KCNK1: variants seen among roughly 807,000 people sequenced by gnomAD.
KCNK1 encodes potassium channel subfamily K member 1.
KCNK1 carries 10 observed loss-of-function variants against 22.2 expected under a neutral mutation model. The ratio of observed to expected loss-of-function variants is 0.45; its 90% CI spans 0.28 to 0.76. KCNK1 has a LOEUF of 0.76. Ranked by LOEUF, KCNK1 falls within the 30% of genes least tolerant of loss-of-function variation. KCNK1 has a pLI of 0.14. For synonymous variants in KCNK1, 200 were observed against 186.4 expected, an observed-to-expected ratio of 1.07 and a Z score of -0.60; for missense variants, 378 against 421.0, an observed-to-expected ratio of 0.90 and a Z score of 0.89.
intron 1 of KCNK1, among the ~76,000 whole-genome samples, chr1:233,619,645 C>A (rs1657543495): frequency 6.6e-6 from 1 of 152,002 alleles, no homozygotes; most frequent in Non-Finnish European, 1.5e-5. Flanking sequence ...GACACGGTGG[C>A]TTATGCCTGT....
chr1:233,651,863 G>A (rs1658206447), intron 1 of KCNK1, among the ~76,000 whole-genome samples: 1 of 152,216 alleles, frequency 6.6e-6, no homozygotes, highest in Admixed American at 6.5e-5. Context: ...GCAGGCTGCT[G>A]TCTCCTACAA....
Position 233,671,578 on chromosome 1 carries a change from G to A in KCNK1, c.*48G>A, listed in dbSNP as rs906334169. 1.9e-6 allele frequency: 3 copies of A among 1,606,442 alleles called. No individual in the cohort carries two copies. The highest frequency in any genetic ancestry group is 4.5e-5 in the East Asian group (2 of 44,794). ...CTAGAGCACCAGGGTCAGGGTGCAA[G>A]GAAGAGGCTTAAGTATGTTCATTTT... is the stretch of plus-strand genomic sequence containing the variant. On this transcript the variant is annotated 3_prime_UTR_variant, in exon 3 of 3. Coordinates refer to ENST00000366621, the MANE Select transcript of KCNK1 (RefSeq NM_002245.4).
chr1:233,624,667 C>G (rs1274926357), intron 1 of KCNK1, among the ~76,000 whole-genome samples: 1 of 152,178 alleles, frequency 6.6e-6, no homozygotes, highest in Admixed American at 6.5e-5. Context: ...TTAGATATAA[C>G]TTTATTCTCT....
At chr1:233,634,646 C>G (rs1274738001) in intron 1 of KCNK1, among the ~76,000 whole-genome samples, 1 of 152,188 alleles carries the variant, frequency 6.6e-6, no homozygotes, top group Non-Finnish European at 1.5e-5. Flanking sequence ...TTGTTATGCC[C>G]ACCAGATGCT....
intron 1 of KCNK1, among the ~76,000 whole-genome samples, chr1:233,665,375 A>G (rs1468484316): frequency 6.6e-6 from 1 of 152,228 alleles, no homozygotes; most frequent in Non-Finnish European, 1.5e-5. Context: ...AGCTGCATGG[A>G]ATTCCAAGGA....
intron 1 of KCNK1, 47 bp downstream of exon 1, chr1:233,614,573 C>A: frequency 6.9e-7 from 1 of 1,441,060 alleles, no homozygotes; most frequent in Non-Finnish European, 9.4e-7. Context: ...ACCTCGCCCA[C>A]AACCCACACA....
At chr1:233,655,310 G>A (rs1658271084) in intron 1 of KCNK1, among the ~76,000 whole-genome samples, 1 of 152,126 alleles carries the variant, frequency 6.6e-6, no homozygotes, top group African/African-American at 2.4e-5. Context: ...AATTTCACAG[G>A]CTCACAGCTG....
intron 1 of KCNK1, among the ~76,000 whole-genome samples, chr1:233,638,421 AG>A (rs1344214059): frequency 1.6e-4 from 12 of 73,732 alleles, no homozygotes; most frequent in African/African-American, 4.4e-4. Context: ...TAAAAAAGAG[AG>A]AAAAAAAAAA....
chr1:233,661,450 C>T (rs1354801423), intron 1 of KCNK1, among the ~76,000 whole-genome samples: 1 of 152,178 alleles, frequency 6.6e-6, no homozygotes, highest in Non-Finnish European at 1.5e-5. Context: ...GTAGAAACAA[C>T]AATAAGTGTT....
chr1:233,641,559 C>T (rs1479313121), intron 1 of KCNK1, among the ~76,000 whole-genome samples: 3 of 152,154 alleles, frequency 2.0e-5, no homozygotes, highest in African/African-American at 7.2e-5. Context: ...TGGCAGTAAG[C>T]GGATGGGGTG....
At chr1:233,657,822 T>TC (rs1447790506) in intron 1 of KCNK1, among the ~76,000 whole-genome samples, 3 of 151,944 alleles carry the variant, frequency 2.0e-5, no homozygotes, top group Admixed American at 6.6e-5. Flanking sequence ...AGTGTTAATT[T>TC]TTTTTTTTAT....
intron 1 of KCNK1, chr1:233,660,629 T>C (rs891156314): frequency 1.4e-4 from 21 of 152,312 alleles, no homozygotes; most frequent in African/African-American, 4.8e-4. Context: ...ATCTGTAGAG[T>C]TACCCTAGGC....
chr1:233,653,563 G>A (rs933825877), intron 1 of KCNK1, among the ~76,000 whole-genome samples: 17 of 152,278 alleles, frequency 1.1e-4, no homozygotes, highest in African/African-American at 3.4e-4. Flanking sequence ...GTGGGTAGGC[G>A]TTATCTAATT....
At chr1:233,622,978 C>A (rs1344009503) in intron 1 of KCNK1, among the ~76,000 whole-genome samples, 2 of 152,024 alleles carry the variant, frequency 1.3e-5, no homozygotes, top group Non-Finnish European at 2.9e-5. Context: ...GTTATTAGTA[C>A]CCATGGAAGG....
chr1:233,671,704 G>A lies in KCNK1; in HGVS notation c.*174G>A. The A allele has an allele frequency of 2.8e-6, 2 of 722,744 alleles. No individual in the cohort carries two copies. The highest frequency in any genetic ancestry group is 4.4e-6 in the Non-Finnish European group (2 of 450,472). 44.8% of individuals were successfully genotyped at this position (722,744 alleles called of 1,614,324 possible). ...AAAAAAAGACAAATGGAACAAAGAA[G>A]CTGTGACCCCAGCAGGATGTCTAAT... On this transcript the variant is annotated 3_prime_UTR_variant, in exon 3 of 3. Coordinates refer to ENST00000366621, the MANE Select transcript of KCNK1 (RefSeq NM_002245.4).
At chr1:233,660,619 A>T (rs1658373669) in intron 1 of KCNK1, 1 of 152,198 alleles carries the variant, frequency 6.6e-6, no homozygotes, top group African/African-American at 2.4e-5. Context: ...ACCTTCTGAT[A>T]TCTGTAGAGT....
intron 1 of KCNK1, among the ~76,000 whole-genome samples, chr1:233,650,267 T>A (rs1442136041): frequency 6.6e-6 from 1 of 152,214 alleles, no homozygotes; most frequent in African/African-American, 2.4e-5. Context: ...GGGGAGTCAT[T>A]GTAGTCATTC....
At chr1:233,641,134 G>A (rs1343093670) in intron 1 of KCNK1, among the ~76,000 whole-genome samples, 1 of 152,198 alleles carries the variant, frequency 6.6e-6, no homozygotes, top group Non-Finnish European at 1.5e-5. Flanking sequence ...GCACAAACAA[G>A]CCGGAAGACT....
intron 1 of KCNK1, among the ~76,000 whole-genome samples, chr1:233,662,965 A>G (rs1658426774): frequency 6.6e-6 from 1 of 152,226 alleles, no homozygotes; most frequent in African/African-American, 2.4e-5. Flanking sequence ...TGATTATAAG[A>G]TTTAAAAATA....
Sources: gnomAD v4.1 joint callset for allele counts (sites outside exome capture counted in the v4.1 genomes callset) on GRCh38, gnomAD v4.1.1 for gene constraint, MANE v1.5 for transcripts, NCBI Gene and HGNC (gene_info 2026-07-23, HGNC 2026-07-21) for gene names.